NAA50: variants seen among roughly 807,000 people sequenced by gnomAD.
NAA50 encodes the protein N-alpha-acetyltransferase 50, NatE catalytic subunit, also known as N-alpha-acetyltransferase 50.
In NAA50, 7 loss-of-function variants were observed where a neutral mutation model predicts 20.7. The observed-to-expected ratio is 0.34, with a 90% CI of 0.19 to 0.63. NAA50 has a LOEUF of 0.63. Ranked by LOEUF, NAA50 falls within the 30% of genes least tolerant of loss-of-function variation. The pLI, the probability that NAA50 is intolerant of heterozygous loss-of-function variation, is 0.75. For missense variants in NAA50, 111 were observed against 199.1 expected (o/e 0.56, Z 2.66); for synonymous variants, 54 against 70.6 (o/e 0.77, Z 1.18).
Position 113,721,723 on chromosome 3 carries a change from C to T in NAA50, c.*37G>A, listed in dbSNP as rs373190948. The T allele has an allele frequency of 3.7e-5, 60 of 1,610,846 alleles. No homozygotes were observed. The East Asian group carries it at 5.6e-4, about 15-fold the overall frequency. ...ATCAATGGGCCTCTCTTTTATTTGG[C>T]GACAAGCAAGTGCAAGAAAGTTCAT... On this transcript the variant is annotated 3_prime_UTR_variant, in exon 5 of 5. Coordinates refer to ENST00000240922, the MANE Select transcript of NAA50 (RefSeq NM_025146.4).
Position 113,718,697 on chromosome 3 carries a change from C to A in NAA50, c.*3063G>T, listed in dbSNP as rs1708094918. ...CTAACTAGATTGCAGCCTAAAGTGTCAAGTATTTCTAATAATTACATTAAA... is the reference window on the plus strand; with the variant it reads ...CTAACTAGATTGCAGCCTAAAGTGTAAAGTATTTCTAATAATTACATTAAA... On this transcript the variant is annotated 3_prime_UTR_variant, in exon 5 of 5. Transcript: ENST00000240922. 1 of 152,188 alleles carries A rather than the reference C, an allele frequency of 6.6e-6. No individual in the cohort carries two copies. Among genetic ancestry groups the A allele is most frequent in the Non-Finnish European group, 1.5e-5 (1 of 68,036 alleles). 9.4% of individuals were successfully genotyped at this position (152,188 alleles called of 1,614,324 possible).
In NAA50 at chr3:113,723,968, C is replaced by T; in HGVS notation, c.136G>A (p.Ala46Thr). Reference protein sequence around the residue: ...YKDVLEVGELAKLAYFNDIAV... With the variant: ...YKDVLEVGELTKLAYFNDIAV... ...AAAAACTATATTATACCAAGTTTTGCTAGCTCGCCAACCTCCAGCACATCC... is the reference window on the plus strand; with the variant it reads ...AAAAACTATATTATACCAAGTTTTGTTAGCTCGCCAACCTCCAGCACATCC... The change falls in exon 2 of 5, where the codon GCA (alanine) becomes ACA (threonine). Residue 46 changes from alanine (A) to threonine (T), a missense_variant. Ala to Thr is a moderately conservative substitution (Grantham distance 58). Transcript: ENST00000240922. 6.3e-7 allele frequency: 1 copy of T among 1,582,556 alleles called. No individual in the cohort carries two copies. Among genetic ancestry groups the T allele is most frequent in the Non-Finnish European group, 8.6e-7 (1 of 1,167,938 alleles).
At chr3:113,743,442 T>C (rs1708444659) in intron 1 of NAA50, among the ~76,000 whole-genome samples, 1 of 152,210 alleles carries the variant, frequency 6.6e-6, no homozygotes, top group Non-Finnish European at 1.5e-5. Flanking sequence ...AGTCAGGACT[T>C]TAAAATCGAC....
chr3:113,727,387 T>C (rs772421595), intron 1 of NAA50, among the ~76,000 whole-genome samples: 1 of 152,198 alleles, frequency 6.6e-6, no homozygotes, highest in Non-Finnish European at 1.5e-5. Context: ...GAATCATTTG[T>C]AGGTAGTAAC....
chr3:113,733,846 C>CT (rs1708303219), intron 1 of NAA50, among the ~76,000 whole-genome samples: 1 of 104,562 alleles, frequency 9.6e-6, no homozygotes, highest in African/African-American at 4.5e-5. Flanking sequence ...GAGCAAGACT[C>CT]TGTCTCCAAA....
chr3:113,727,194 A>G (rs1407787814), intron 1 of NAA50, among the ~76,000 whole-genome samples: 2 of 152,166 alleles, frequency 1.3e-5, no homozygotes, highest in Non-Finnish European at 2.9e-5. Flanking sequence ...GGGTGTAGTA[A>G]TTTTTTTATA....
At position 113,744,288 on chromosome 3, in the gene NAA50, C is replaced by T. The variant is rs113917952; in HGVS notation, c.8+1654G>A. Among the ~76,000 whole-genome samples, 107 of 151,994 alleles carry T rather than the reference C, an allele frequency of 7.0e-4. 3 individuals are homozygous for T. Among genetic ancestry groups the T allele is most frequent in the African/African-American group, 2.3e-3 (97 of 41,432 alleles). On this transcript the variant is annotated intron_variant, in intron 1 of 4. Coordinates refer to ENST00000240922, the MANE Select transcript of NAA50 (RefSeq NM_025146.4). ...ACCAGCCTGGCCAACATAGTCAGAC[C>T]CCCGTCTCTACAAAATATACAAAAA...
At position 113,721,345 on chromosome 3, in the gene NAA50, C is replaced by G. The variant is rs767030024; in HGVS notation, c.*415G>C. ...AAAAACCCAAAGTACCACAAACACA[C>G]TCAACTTGTCTATGAATTAGAGAAC... On this transcript the variant is annotated 3_prime_UTR_variant, in exon 5 of 5. Transcript: ENST00000240922. 33 of 194,456 alleles carry G rather than the reference C, an allele frequency of 1.7e-4. No individual in the cohort carries two copies. Among genetic ancestry groups the G allele is most frequent in the Non-Finnish European group, 2.7e-4 (26 of 96,192 alleles). 12.0% of individuals were successfully genotyped at this position (194,456 alleles called of 1,614,324 possible). A position where few individuals can be genotyped will look rare whatever the true frequency, so the allele number is the denominator to read the frequency against.
rs1206806051 is a variant in NAA50 at position 113,719,256 on chromosome 3, CTA to C, written c.*2502_*2503del. ...CCAAATGAAAGCTAATCTGGACAAA[CTA>C]TATATTGCATAGATTTCTCTACAGA... On this transcript the variant is annotated 3_prime_UTR_variant, in exon 5 of 5. Coordinates refer to ENST00000240922, the MANE Select transcript of NAA50 (RefSeq NM_025146.4). 2.0e-5 allele frequency: 3 copies of C among 152,576 alleles called. No homozygotes were observed. The allele number at this position is 152,576 out of a possible 1,614,324, so 9.5% of individuals were successfully genotyped here. A position where few individuals can be genotyped will look rare whatever the true frequency, so the allele number is the denominator to read the frequency against.
In NAA50 at chr3:113,723,532, T is replaced by C. The variant is rs376468271; in HGVS notation, c.155A>G (p.Asn52Ser). The change falls in exon 3 of 5, where the codon AAT (asparagine) becomes AGT (serine). Residue 52 changes from asparagine (N) to serine (S), a missense_variant. Physicochemically the swap from Asn to Ser is conservative, Grantham distance 46. Transcript: ENST00000240922. ...GCATACTGCACCTACAGCAATATCA[T>C]TGAAATAGGCTGCCAAGGAAAACAT... is the stretch of plus-strand genomic sequence containing the variant. ...VGELAKLAYF[N>S]DIAVGAVCCR... 1.3e-4 allele frequency: 212 copies of C among 1,602,560 alleles called. No individual in the cohort carries two copies. Among genetic ancestry groups the C allele is most frequent in the Non-Finnish European group, 1.8e-4 (209 of 1,175,642 alleles).
Position 113,723,413 on chromosome 3 carries a change from A to AT in NAA50, c.265+8dup, listed in dbSNP as rs755482869. On this transcript the variant is annotated intron_variant, in intron 3 of 4. Transcript: ENST00000240922. ...TCTCTGAAGAAGTAAAAAAACCACA[A>AT]TTTTTTACCTATTCCTAGCCTTCGG... is the stretch of plus-strand genomic sequence containing the variant. 1.3e-5 allele frequency: 21 copies of AT among 1,596,874 alleles called. No individual in the cohort carries two copies. The highest frequency in any genetic ancestry group is 4.1e-5 in the African/African-American group (3 of 73,752).
chr3:113,723,398 A>C, intron 3 of NAA50, 24 bp downstream of exon 3: 1 of 1,589,894 alleles, frequency 6.3e-7, no homozygotes, highest in Non-Finnish European at 8.6e-7. Context: ...TCTCTGAAGA[A>C]GTAAAAAAAC....
Position 113,719,540 on chromosome 3 carries a change from T to C in NAA50, c.*2220A>G, listed in dbSNP as rs1372975319. On this transcript the variant is annotated 3_prime_UTR_variant, in exon 5 of 5. Transcript: ENST00000240922. ...TTTTACCTCTTCCACATTCTCCTCC[T>C]CCTCCATAAGTGGATGGAATTATTT... The C allele has an allele frequency of 6.6e-6, 1 of 152,574 alleles. No individual in the cohort carries two copies. Among genetic ancestry groups the C allele is most frequent in the Admixed American group, 6.5e-5 (1 of 15,280 alleles). The allele number at this position is 152,574 out of a possible 1,614,324, so 9.5% of individuals were successfully genotyped here.
intron 1 of NAA50, among the ~76,000 whole-genome samples, chr3:113,745,510 T>C (rs971751906): frequency 1.3e-5 from 2 of 152,172 alleles, no homozygotes; most frequent in Non-Finnish European, 2.9e-5. Flanking sequence ...AAGCGTGAAT[T>C]AAACTGAAAG....
chr3:113,728,801 C>T (rs1708233414), intron 1 of NAA50, among the ~76,000 whole-genome samples: 1 of 152,140 alleles, frequency 6.6e-6, no homozygotes, highest in Non-Finnish European at 1.5e-5. Flanking sequence ...CAAGCAATCT[C>T]CAGCAGACAC....
intron 1 of NAA50, among the ~76,000 whole-genome samples, chr3:113,735,217 G>A (rs557419655): frequency 1.1e-4 from 16 of 152,296 alleles, no homozygotes; most frequent in African/African-American, 3.6e-4. Flanking sequence ...CAAGAGAAGG[G>A]AGGAAAAAAC....
chr3:113,721,629 AG>A lies in NAA50; in HGVS notation c.*130del. On this transcript the variant is annotated 3_prime_UTR_variant, in exon 5 of 5. Transcript: ENST00000240922. ...TATTAAAACTCTCAGAGAAAAGGAA[AG>A]GAAGAAAGAAAAACAAGAACAAGGA... 1 of 882,512 alleles carries A rather than the reference AG, an allele frequency of 1.1e-6. No homozygotes were observed. The highest frequency in any genetic ancestry group is 1.7e-5 in the African/African-American group (1 of 58,890). The allele number at this position is 882,512 out of a possible 1,614,324, so 54.7% of individuals were successfully genotyped here. A position where few individuals can be genotyped will look rare whatever the true frequency, so the allele number is the denominator to read the frequency against.
intron 4 of NAA50, among the ~76,000 whole-genome samples, chr3:113,722,398 C>G (rs1708146592): frequency 6.6e-6 from 1 of 152,112 alleles, no homozygotes; most frequent in Non-Finnish European, 1.5e-5. Context: ...CTGTATAATT[C>G]AATCTCTCAC....
At chr3:113,742,665 T>C (rs1292924584) in intron 1 of NAA50, among the ~76,000 whole-genome samples, 1 of 152,204 alleles carries the variant, frequency 6.6e-6, no homozygotes, top group Non-Finnish European at 1.5e-5. Flanking sequence ...GTTTTGTTTC[T>C]GACTGCAGAA....
Sources: gnomAD v4.1 joint callset for allele counts (sites outside exome capture counted in the v4.1 genomes callset) on GRCh38, gnomAD v4.1.1 for gene constraint, MANE v1.5 for transcripts, NCBI Gene and HGNC (gene_info 2026-07-23, HGNC 2026-07-21) for gene names.